Variants in CFAP300 observed in about 807,000 individuals in gnomAD.
The protein encoded by CFAP300 is cilia and flagella associated protein 300.
Under a neutral mutation model 33.0 loss-of-function variants are expected in CFAP300, and 32 were observed. The observed-to-expected ratio is 0.97, with a 90% CI of 0.73 to 1.30. The LOEUF is 1.30. Ranked by LOEUF, CFAP300 falls within the 50% of genes most tolerant of loss-of-function variation. CFAP300 has a pLI of 0.00. For missense variants in CFAP300, 356 were observed against 318.1 expected (o/e 1.12, Z -0.90); for synonymous variants, 102 against 106.8 (o/e 0.95, Z 0.28).
chr11:102,069,597 G>A (rs1040069120), intron 4 of CFAP300, among the ~76,000 whole-genome samples: 1 of 152,098 alleles, frequency 6.6e-6, no homozygotes, highest in Non-Finnish European at 1.5e-5. Context: ...GAGACCAGGA[G>A]TATAAGACTA....
At chr11:102,072,547 C>T (rs1327482156) in intron 4 of CFAP300, among the ~76,000 whole-genome samples, 3 of 152,102 alleles carry the variant, frequency 2.0e-5, no homozygotes, top group African/African-American at 7.2e-5. Context: ...AAGTGATCCA[C>T]CCACCTCAGC....
rs776370452 is a variant in CFAP300, at chr11:102,081,298, T to C, written c.675+17T>C. ...TCAGCTTATGTAAGTGTGAGAGAAC[T>C]TTTGCAACCAAAGAATTTAATTACT... On this transcript the variant is annotated intron_variant, in intron 6 of 6. Coordinates refer to ENST00000434758, the MANE Select transcript of CFAP300 (RefSeq NM_032930.3). 1.3e-5 allele frequency: 21 copies of C among 1,599,616 alleles called. No individual in the cohort carries two copies. The African/African-American group carries it at 2.3e-4, about 17-fold the overall frequency.
chr11:102,075,960 T>G lies in CFAP300; in HGVS notation c.523T>G (p.Cys175Gly), dbSNP rs1942389101. The G allele has an allele frequency of 6.2e-7, 1 of 1,613,882 alleles. No homozygotes were observed. The highest frequency in any genetic ancestry group is 1.7e-5 in the Admixed American group (1 of 59,996). ...CCTGTTTTGTCTTTTCAAACATCTTTGCCTTGGTGGAGCCCTTTGTCAATA... is the reference window on the plus strand; with the variant it reads ...CCTGTTTTGTCTTTTCAAACATCTTGGCCTTGGTGGAGCCCTTTGTCAATA... ...EFLFCLFKHL[C>G]LGGALCQYED... Residue 175 changes from cysteine (C) to glycine (G), a missense_variant, in exon 5 of 7, where the codon TGC becomes GGC. Cys to Gly is a radical substitution (Grantham distance 159). Coordinates refer to ENST00000434758, the MANE Select transcript of CFAP300 (RefSeq NM_032930.3).
intron 2 of CFAP300, among the ~76,000 whole-genome samples, chr11:102,055,142 A>G (rs1226206024): frequency 6.6e-6 from 1 of 151,452 alleles, no homozygotes; most frequent in Non-Finnish European, 1.5e-5. Flanking sequence ...CACCACGCCC[A>G]GCTAATTTTT....
chr11:102,051,557 C>T (rs936138525), intron 2 of CFAP300, among the ~76,000 whole-genome samples: 5 of 152,052 alleles, frequency 3.3e-5, no homozygotes, highest in Admixed American at 2.0e-4. Flanking sequence ...GACTAGAAAC[C>T]ATCAGTCTGC....
At chr11:102,051,650 AAAT>A (rs1227994020) in intron 2 of CFAP300, among the ~76,000 whole-genome samples, 6 of 152,182 alleles carry the variant, frequency 3.9e-5, no homozygotes, top group Non-Finnish European at 7.3e-5. Flanking sequence ...GTAAAAATTA[AAAT>A]AATAAGAAAA....
At chr11:102,075,238 C>T (rs535643882) in intron 4 of CFAP300, among the ~76,000 whole-genome samples, 3 of 143,196 alleles carry the variant, frequency 2.1e-5, no homozygotes. Context: ...TTCCCAATGG[C>T]ATAAGAAAAT....
Position 102,047,804 on chromosome 11 carries a change from C to G in CFAP300, c.111-11C>G. On this transcript the variant is annotated splice_polypyrimidine_tract_variant and intron_variant, in intron 1 of 6. Coordinates refer to ENST00000434758, the MANE Select transcript of CFAP300 (RefSeq NM_032930.3). Reference sequence around the variant, plus strand: ...GCCCCCAGATGATTTCTTTTTCCTCCTCTGCCCCAGGTCCATGCTGGGCAG... The same window carrying G: ...GCCCCCAGATGATTTCTTTTTCCTCGTCTGCCCCAGGTCCATGCTGGGCAG... The G allele has an allele frequency of 6.2e-7, 1 of 1,613,662 alleles. No individual in the cohort carries two copies. Among genetic ancestry groups the G allele is most frequent in the South Asian group, 1.1e-5 (1 of 90,984 alleles).
intron 6 of CFAP300, among the ~76,000 whole-genome samples, chr11:102,082,149 C>A (rs1005256529): frequency 6.6e-6 from 1 of 151,770 alleles, no homozygotes; most frequent in African/African-American, 2.4e-5. Flanking sequence ...TTTGAGAGGG[C>A]AGATCACTTG....
chr11:102,081,215 T>C lies in CFAP300; in HGVS notation c.609T>C (p.Ser203=). 1.2e-6 allele frequency: 2 copies of C among 1,602,828 alleles called. No homozygotes were observed. Among genetic ancestry groups the C allele is most frequent in the Non-Finnish European group, 1.7e-6 (2 of 1,176,904 alleles). The change falls in exon 6 of 7, where the codon AGT becomes AGC. Residue 203 remains serine, a splice_region_variant and synonymous_variant. Transcript: ENST00000434758. ...TTKLIYKDLV[S]VRKNPQTKKI... is the part of the protein sequence containing the mutation. ...AAGCACCTTTTCTTCCTTTTTTTAG[T>C]GTTCGAAAGAATCCTCAAACCAAGA... is the stretch of plus-strand genomic sequence containing the variant.
At chr11:102,052,228 C>T (rs1429683345) in intron 2 of CFAP300, among the ~76,000 whole-genome samples, 1 of 152,128 alleles carries the variant, frequency 6.6e-6, no homozygotes, top group Admixed American at 6.5e-5. Flanking sequence ...TAACATGTAA[C>T]TGTTAAGTTA....
At chr11:102,055,446 C>T (rs986842621) in intron 2 of CFAP300, among the ~76,000 whole-genome samples, 3 of 148,476 alleles carry the variant, frequency 2.0e-5, no homozygotes, top group African/African-American at 7.5e-5. Flanking sequence ...AACCTCCACT[C>T]CCCTGGGCTT....
chr11:102,076,747 T>C (rs1304858110), intron 5 of CFAP300, among the ~76,000 whole-genome samples: 1 of 152,224 alleles, frequency 6.6e-6, no homozygotes, highest in Non-Finnish European at 1.5e-5. Flanking sequence ...GGACTCATAA[T>C]TGTTACTTTA....
chr11:102,073,814 G>T (rs1942353755), intron 4 of CFAP300, among the ~76,000 whole-genome samples: 3 of 152,146 alleles, frequency 2.0e-5, no homozygotes, highest in Admixed American at 2.0e-4. Flanking sequence ...TGCTACCAAG[G>T]GAATGGGGGG....
At chr11:102,076,120 C>T (rs1281401197) in intron 5 of CFAP300, 75 bp downstream of exon 5, 3 of 1,469,438 alleles carry the variant, frequency 2.0e-6, no homozygotes, top group Middle Eastern at 1.8e-4. Flanking sequence ...GATGGAATTA[C>T]ACAACATCAT....
chr11:102,064,977 G>T (rs1187483115), intron 3 of CFAP300, among the ~76,000 whole-genome samples: 1 of 152,068 alleles, frequency 6.6e-6, no homozygotes, highest in Non-Finnish European at 1.5e-5. Context: ...TAGACAAAAT[G>T]CCGTTATTTC....
At chr11:102,066,680 T>C in intron 4 of CFAP300, 29 bp downstream of exon 4, 1 of 1,560,364 alleles carries the variant, frequency 6.4e-7, no homozygotes, top group Non-Finnish European at 8.6e-7. Context: ...AATTTCGCAG[T>C]GGAATTTTAT....
chr11:102,054,311 C>T (rs1380741356), intron 2 of CFAP300, among the ~76,000 whole-genome samples: 1 of 152,228 alleles, frequency 6.6e-6, no homozygotes, highest in Non-Finnish European at 1.5e-5. Context: ...ATGTTACTAT[C>T]TCCTCTCTTA....
rs1178522369 is a variant in CFAP300, at chr11:102,047,512, C to A, written c.42C>A (p.Phe14Leu). ...TCGGGGACTTGGGTGGCTACTACTT[C>A]AGGTTCTTGCCTCAGAAAACCTTCC... Reference protein sequence around the residue: ...GELGDLGGYYFRFLPQKTFQS... With the variant: ...GELGDLGGYYLRFLPQKTFQS... The change falls in exon 1 of 7, where the codon TTC becomes TTA. Residue 14 changes from phenylalanine to leucine, a missense_variant. Coordinates refer to ENST00000434758, the MANE Select transcript of CFAP300 (RefSeq NM_032930.3). The A allele has an allele frequency of 6.5e-7, 1 of 1,536,030 alleles. No individual in the cohort carries two copies. Among genetic ancestry groups the A allele is most frequent in the Admixed American group, 2.0e-5 (1 of 51,008 alleles).
Sources: gnomAD v4.1 joint callset for allele counts (sites outside exome capture counted in the v4.1 genomes callset) on GRCh38, gnomAD v4.1.1 for gene constraint, MANE v1.5 for transcripts, NCBI Gene and HGNC (gene_info 2026-07-23, HGNC 2026-07-21) for gene names.